PRH1: variants seen among roughly 807,000 people sequenced by gnomAD.
PRH1 encodes proline rich protein HaeIII subfamily 1, also known as salivary acidic proline-rich phosphoprotein 1/2.
PRH1 carries 7 observed loss-of-function variants against 7.9 expected under a neutral mutation model. The observed-to-expected ratio is 0.89, with a 90% CI of 0.50 to 1.67. PRH1 has a LOEUF of 1.67. Among genes scored for constraint, PRH1 ranks in the 40% most tolerant of loss-of-function variants. PRH1 has a pLI of 0.00. For synonymous variants in PRH1, 45 were observed against 80.8 expected (o/e 0.56, Z 2.38); for missense variants, 109 against 223.6 (o/e 0.49, Z 3.27).
intron 1 of PRH1, among the ~76,000 whole-genome samples, chr12:11,001,022 G>C (rs577189895): frequency 2.0e-5 from 3 of 151,800 alleles, no homozygotes; most frequent in African/African-American, 4.8e-5. Flanking sequence ...TTTGTTTTTC[G>C]TATGCTTGAC....
At chr12:11,160,935 C>CA (rs1947394670) in intron 1 of PRH1, among the ~76,000 whole-genome samples, 1 of 152,164 alleles carries the variant, frequency 6.6e-6, no homozygotes, top group South Asian at 2.1e-4. Flanking sequence ...AAGCAAAATG[C>CA]ACTCTCCAAC....
chr12:10,907,738 C>T (rs1383696770), intron 2 of PRH1, among the ~76,000 whole-genome samples: 1 of 150,648 alleles, frequency 6.6e-6, no homozygotes. Flanking sequence ...TGTGGACTAA[C>T]ATGTTGCATT....
rs536850655 is a variant in PRH1 at position 11,006,454 on chromosome 12, A to C, written c.-125-32733T>G. Among the ~76,000 whole-genome samples, 259 of 144,008 alleles carry C rather than the reference A, an allele frequency of 1.8e-3. 1 individual carries two copies. The highest frequency in any genetic ancestry group is 3.0e-3 in the Non-Finnish European group (201 of 67,138). 94.5% of individuals were successfully genotyped at this position (144,008 alleles called of 152,430 possible). On this transcript the variant is annotated intron_variant, in intron 1 of 3. Coordinates refer to the PRH1 transcript ENST00000539853. ...CAGTGGCACAATCATACCTCGCCGT[A>C]GTCTTGAACTCCTGGACACAAGTGA...
intron 1 of PRH1, among the ~76,000 whole-genome samples, chr12:11,090,164 C>T: frequency 8.6e-6 from 1 of 116,008 alleles, no homozygotes; most frequent in East Asian, 2.1e-4. Flanking sequence ...TATGTCAACA[C>T]CCTTTCATTT....
In PRH1 at chr12:11,087,427, T is replaced by C. The variant is rs908477133; in HGVS notation, n.124-40239A>G. The stretch of plus-strand genomic sequence containing the variant: ...GAGTTTCTGAAGGTCAGATGCTACC[T>C]AGAGCTTTGGCTCATGTCCATCCCA... On this transcript the variant is annotated intron_variant and non_coding_transcript_variant, in intron 1 of 4. Coordinates refer to the PRH1 transcript ENST00000541977. Among the ~76,000 whole-genome samples, 44 of 114,036 alleles carry C rather than the reference T, an allele frequency of 3.9e-4. 14 individuals are homozygous for C. The highest frequency in any genetic ancestry group is 1.0e-3 in the African/African-American group (36 of 34,304). The allele number at this position is 114,036 out of a possible 152,430, so 74.8% of individuals were successfully genotyped here.
chr12:11,105,152 T>C (rs1008439606), intron 1 of PRH1, among the ~76,000 whole-genome samples: 3 of 151,834 alleles, frequency 2.0e-5, no homozygotes, highest in Admixed American at 2.0e-4. Context: ...CAGCATACAG[T>C]AAGGGAAATT....
downstream of PRH1, among the ~76,000 whole-genome samples, chr12:11,117,030 T>G (rs1172138965): frequency 2.0e-5 from 3 of 152,074 alleles, no homozygotes; most frequent in Non-Finnish European, 2.9e-5. Context: ...ATGCTCACAT[T>G]CACTACTATT....
chr12:10,895,534 A>G (rs946052978), intron 2 of PRH1: 4 of 152,160 alleles, frequency 2.6e-5, no homozygotes, highest in Non-Finnish European at 5.9e-5. Context: ...GGAAAATGGG[A>G]TTGGAGAAGT....
Position 11,094,151 on chromosome 12 carries a change from A to T in PRH1, n.124-46963T>A, listed in dbSNP as rs1945015572. On this transcript the variant is annotated intron_variant and non_coding_transcript_variant, in intron 1 of 4. Transcript: ENST00000541977. ...ACCCCGTCTCTACTAAAAATACAAA[A>T]ATTAGCAGGGCATGGTGGTGTGGGC... is the stretch of plus-strand genomic sequence containing the variant. Among the ~76,000 whole-genome samples, 2 of 111,686 alleles carry T rather than the reference A, an allele frequency of 1.8e-5. 1 individual carries two copies. The highest frequency in any genetic ancestry group is 4.9e-4 in the South Asian group (2 of 4,076). 73.3% of individuals were successfully genotyped at this position (111,686 alleles called of 152,430 possible). A position where few individuals can be genotyped will look rare whatever the true frequency, so the allele number is the denominator to read the frequency against.
At chr12:10,963,388 C>A (rs150550634) in intron 2 of PRH1, among the ~76,000 whole-genome samples, 4 of 151,878 alleles carry the variant, frequency 2.6e-5, no homozygotes, top group Non-Finnish European at 4.4e-5. Flanking sequence ...TTAGAATTTG[C>A]AGAAAGTATA....
At chr12:11,040,439 A>C (rs192252989) in intron 1 of PRH1, among the ~76,000 whole-genome samples, 2 of 152,350 alleles carry the variant, frequency 1.3e-5, no homozygotes, top group Admixed American at 1.3e-4. Flanking sequence ...GCTGGAAATC[A>C]GCATTCTCAG....
At chr12:11,042,430 T>C (rs1183287139) in intron 1 of PRH1, among the ~76,000 whole-genome samples, 1 of 138,178 alleles carries the variant, frequency 7.2e-6, no homozygotes, top group African/African-American at 2.7e-5. Flanking sequence ...GCCCAAAACC[T>C]GATAAGACCA....
chr12:11,109,260 T>C (rs1334598627), intron 1 of PRH1, among the ~76,000 whole-genome samples: 1 of 152,098 alleles, frequency 6.6e-6, no homozygotes, highest in Non-Finnish European at 1.5e-5. Context: ...GACATAAACT[T>C]TCCTGCCTGA....
At chr12:11,111,870 T>C (rs916563214) in intron 1 of PRH1, among the ~76,000 whole-genome samples, 3 of 152,150 alleles carry the variant, frequency 2.0e-5, no homozygotes, top group Non-Finnish European at 1.5e-5. Context: ...AGGAGCTGGT[T>C]TTTTGAAAAG....
At chr12:11,163,300 G>A (rs1429256170) in intron 1 of PRH1, among the ~76,000 whole-genome samples, 3 of 151,942 alleles carry the variant, frequency 2.0e-5, no homozygotes, top group Non-Finnish European at 2.9e-5. Flanking sequence ...TTTACCCCTG[G>A]TACCATGAAC....
intron 1 of PRH1, among the ~76,000 whole-genome samples, chr12:11,059,639 G>A (rs1055252256): frequency 6.6e-6 from 1 of 151,976 alleles, no homozygotes; most frequent in African/African-American, 2.4e-5. Context: ...GTTCTACCTT[G>A]TCTCCAATTC....
intron 2 of PRH1, among the ~76,000 whole-genome samples, chr12:10,949,837 T>A (rs1033342241): frequency 2.0e-5 from 3 of 152,158 alleles, no homozygotes; most frequent in Non-Finnish European, 4.4e-5. Flanking sequence ...TTGATATTGT[T>A]TCTCTTTAGT....
intron 1 of PRH1, among the ~76,000 whole-genome samples, chr12:11,128,391 C>A (rs1946208301): frequency 6.6e-6 from 1 of 151,984 alleles, no homozygotes; most frequent in Admixed American, 6.6e-5. Flanking sequence ...AAATCATATT[C>A]CCTGCTTGGT....
chr12:11,130,929 T>C (rs1479436997), intron 1 of PRH1, among the ~76,000 whole-genome samples: 2 of 151,706 alleles, frequency 1.3e-5, no homozygotes, highest in Non-Finnish European at 2.9e-5. Context: ...AGTGGTGGTA[T>C]TGGACACAAA....
Sources: gnomAD v4.1 joint callset for allele counts (sites outside exome capture counted in the v4.1 genomes callset) on GRCh38, gnomAD v4.1.1 for gene constraint, MANE v1.5 for transcripts, NCBI Gene and HGNC (gene_info 2026-07-23, HGNC 2026-07-21) for gene names.